GALNT18: variants seen among roughly 807,000 people sequenced by gnomAD.
The protein encoded by GALNT18 is GalNAc-transferase 18.
Under a neutral mutation model 69.5 loss-of-function variants are expected in GALNT18, and 44 were observed. The ratio of observed to expected loss-of-function variants is 0.63; its 90% CI spans 0.50 to 0.81. GALNT18 has a LOEUF of 0.81. GALNT18 is among the 40% of genes least tolerant of loss of function. The pLI is 0.00. For synonymous variants in GALNT18, 364 were observed against 318.2 expected (o/e 1.14, Z -1.53); for missense variants, 715 against 810.0 (o/e 0.88, Z 1.42).
At chr11:11,608,222 AT>A (rs1345544053) in intron 1 of GALNT18, among the ~76,000 whole-genome samples, 1 of 152,228 alleles carries the variant, frequency 6.6e-6, no homozygotes, top group Non-Finnish European at 1.5e-5. Context: ...CAGAAAATAT[AT>A]TCCTGACCGT....
intron 6 of GALNT18, among the ~76,000 whole-genome samples, chr11:11,369,043 C>T (rs2133667127): frequency 6.6e-6 from 1 of 152,340 alleles, no homozygotes; most frequent in East Asian, 1.9e-4. Flanking sequence ...GGAAGTAAGG[C>T]AAGCCTTAGG....
chr11:11,429,740 G>C (rs975209023), intron 3 of GALNT18, among the ~76,000 whole-genome samples: 1 of 152,206 alleles, frequency 6.6e-6, no homozygotes, highest in South Asian at 2.1e-4. Context: ...TTAGTCCAGA[G>C]CTCTGGCCCT....
In GALNT18 at chr11:11,415,367, C is replaced by T. The variant is rs1460216871; in HGVS notation, c.595+17254G>A. Among the ~76,000 whole-genome samples the T allele has an allele frequency of 6.6e-6, 1 of 152,116 alleles. No individual in the cohort carries two copies. Among genetic ancestry groups the T allele is most frequent in the African/African-American group, 2.4e-5 (1 of 41,414 alleles). ...GTGGGGGATGACTTAGAATTCTGCC[C>T]ACACAGTGATCAATAAATAGTTGCC... On this transcript the variant is annotated intron_variant, in intron 3 of 10. Coordinates refer to ENST00000227756, the MANE Select transcript of GALNT18 (RefSeq NM_198516.3). This position sits in a 1 kb window ranked among gnomAD's most constrained non-coding sequence, Gnocchi z 4.1.
chr11:11,327,014 G>A, intron 9 of GALNT18, 72 bp downstream of exon 9: 4 of 1,126,512 alleles, frequency 3.6e-6, no homozygotes, highest in Non-Finnish European at 4.1e-6. Context: ...CCATGACAGA[G>A]CCTAGCTCTC....
Position 11,341,078 on chromosome 11 carries a change from T to C in GALNT18, c.1093-74A>G. 1.4e-6 allele frequency: 2 copies of C among 1,424,708 alleles called. No individual in the cohort carries two copies. The highest frequency in any genetic ancestry group is 9.5e-7 in the Non-Finnish European group (1 of 1,050,768). The allele number at this position is 1,424,708 out of a possible 1,614,324, so 88.3% of individuals were successfully genotyped here. On this transcript the variant is annotated intron_variant, in intron 6 of 10. Transcript: ENST00000227756. The surrounding 1 kb of genome is among the most constrained non-coding windows in gnomAD (Gnocchi z 6.3). ...TCTACACCAGGCCTCAGGCAGCCAC[T>C]TGACATGAGCAGGAAGAAAGTCAGC...
chr11:11,552,548 T>C (rs768149517), intron 1 of GALNT18, among the ~76,000 whole-genome samples: 3 of 151,634 alleles, frequency 2.0e-5, no homozygotes, highest in Non-Finnish European at 4.4e-5. Context: ...CCCAGCTTCC[T>C]AATGGCCATG....
At chr11:11,585,377 T>C (rs1032243073) in intron 1 of GALNT18, among the ~76,000 whole-genome samples, 2 of 149,912 alleles carry the variant, frequency 1.3e-5, no homozygotes, top group Non-Finnish European at 3.0e-5. Flanking sequence ...TTTTCCGAGA[T>C]GGAGTTTTGC....
chr11:11,439,172 G>C lies in GALNT18; in HGVS notation c.429-6385C>G, dbSNP rs577335830. Among the ~76,000 whole-genome samples the C allele has an allele frequency of 8.5e-5, 13 of 152,318 alleles. No individual in the cohort carries two copies. In the East Asian group the frequency reaches 2.5e-3, roughly 29 times the overall value. On this transcript the variant is annotated intron_variant, in intron 2 of 10. Transcript: ENST00000227756. The surrounding 1 kb of genome is among the most constrained non-coding windows in gnomAD (Gnocchi z 4.4). ...AAGAAGATGATAAGTGAGGCGCAGG[G>C]GAGCAGAAATGATGAATAGGAAGAA...
intron 1 of GALNT18, among the ~76,000 whole-genome samples, chr11:11,482,604 G>T (rs1012491631): frequency 1.3e-5 from 2 of 152,206 alleles, no homozygotes; most frequent in Non-Finnish European, 2.9e-5. Flanking sequence ...CCATACACAG[G>T]ATAGTCTGTC....
rs1859130175 is a variant in GALNT18 at position 11,583,300 on chromosome 11, T to A, written c.235+38059A>T. On this transcript the variant is annotated intron_variant, in intron 1 of 10. Coordinates refer to ENST00000227756, the MANE Select transcript of GALNT18 (RefSeq NM_198516.3). This position sits in a 1 kb window ranked among gnomAD's most constrained non-coding sequence, Gnocchi z 4.7. ...AGCTGGTCCTTCTAGATGCTAGCCCTCTGTGTGCACACTTATATCTCATAA... is the reference window on the plus strand; with the variant it reads ...AGCTGGTCCTTCTAGATGCTAGCCCACTGTGTGCACACTTATATCTCATAA... Among the ~76,000 whole-genome samples, 1 of 152,202 alleles carries A rather than the reference T, an allele frequency of 6.6e-6. No homozygotes were observed. Among genetic ancestry groups the A allele is most frequent in the African/African-American group, 2.4e-5 (1 of 41,442 alleles).
chr11:11,587,093 ACCCCTC>A lies in GALNT18; in HGVS notation c.235+34260_235+34265del, dbSNP rs1373550299. Reference sequence around the variant, plus strand: ...GATGCTTCCAGCACCCATTATCCTGACCCCTCCCCCAGTATCCAAACCTTCCCCAAG... The same window carrying A: ...GATGCTTCCAGCACCCATTATCCTGACCCCAGTATCCAAACCTTCCCCAAG... On this transcript the variant is annotated intron_variant, in intron 1 of 10. Transcript: ENST00000227756. This position sits in a 1 kb window ranked among gnomAD's most constrained non-coding sequence, Gnocchi z 4.4. Among the ~76,000 whole-genome samples, 1 of 151,842 alleles carries A rather than the reference ACCCCTC, an allele frequency of 6.6e-6. No individual in the cohort carries two copies. Among genetic ancestry groups the A allele is most frequent in the Non-Finnish European group, 1.5e-5 (1 of 67,970 alleles).
intron 10 of GALNT18, among the ~76,000 whole-genome samples, chr11:11,274,258 G>T (rs922013910): frequency 5.9e-5 from 9 of 152,190 alleles, no homozygotes; most frequent in African/African-American, 2.2e-4. Context: ...TGGCTGTTTG[G>T]GCAGACACTG....
At chr11:11,567,564 A>G (rs988180631) in intron 1 of GALNT18, among the ~76,000 whole-genome samples, 1 of 152,188 alleles carries the variant, frequency 6.6e-6, no homozygotes, top group African/African-American at 2.4e-5. Context: ...CATAGTCTTA[A>G]AGCATTGTTC....
At chr11:11,343,229 T>C (rs528415577) in intron 6 of GALNT18, among the ~76,000 whole-genome samples, 3 of 152,082 alleles carry the variant, frequency 2.0e-5, no homozygotes, top group East Asian at 1.9e-4. Flanking sequence ...GTGCCTGTAG[T>C]CCCAGCAACT....
In GALNT18 at chr11:11,584,577, G is replaced by A. The variant is rs1200978695; in HGVS notation, c.235+36782C>T. ...GTGAAACACCCACAGAGAGCCGTTT[G>A]CCCCTTGAGATTCCTGAGGAGTGTG... On this transcript the variant is annotated intron_variant, in intron 1 of 10. Coordinates refer to ENST00000227756, the MANE Select transcript of GALNT18 (RefSeq NM_198516.3). The surrounding 1 kb of genome is among the most constrained non-coding windows in gnomAD (Gnocchi z 4.1). Among the ~76,000 whole-genome samples the A allele has an allele frequency of 6.6e-6, 1 of 152,142 alleles. No homozygotes were observed. The highest frequency in any genetic ancestry group is 1.5e-5 in the Non-Finnish European group (1 of 68,016).
chr11:11,288,015 C>A (rs1849225411), intron 10 of GALNT18, among the ~76,000 whole-genome samples: 1 of 152,174 alleles, frequency 6.6e-6, no homozygotes, highest in South Asian at 2.1e-4. Flanking sequence ...CTTCCCGGGA[C>A]AATGAAACAG....
rs1859329055 is a variant in GALNT18, at chr11:11,590,458, T to C, written c.235+30901A>G. Among the ~76,000 whole-genome samples, 1 of 152,212 alleles carries C rather than the reference T, an allele frequency of 6.6e-6. No homozygotes were observed. The highest frequency in any genetic ancestry group is 6.5e-5 in the Admixed American group (1 of 15,280). On this transcript the variant is annotated intron_variant, in intron 1 of 10. Transcript: ENST00000227756. This position sits in a 1 kb window ranked among gnomAD's most constrained non-coding sequence, Gnocchi z 4.4. Reference sequence around the variant, plus strand: ...AAGCCACTGGTTTGGAAGTTGACATTAAAATTAACTTTCCTTACTCTACCT... The same window carrying C: ...AAGCCACTGGTTTGGAAGTTGACATCAAAATTAACTTTCCTTACTCTACCT...
At chr11:11,574,813 G>A (rs949726229) in intron 1 of GALNT18, among the ~76,000 whole-genome samples, 1 of 152,210 alleles carries the variant, frequency 6.6e-6, no homozygotes, top group African/African-American at 2.4e-5. Flanking sequence ...CAAGGACAGA[G>A]CAGAAGCATT....
At position 11,523,882 on chromosome 11, in the gene GALNT18, C is replaced by G. The variant is rs544832279; in HGVS notation, c.236-74946G>C. Among the ~76,000 whole-genome samples the G allele has an allele frequency of 1.3e-5, 2 of 152,134 alleles. No homozygotes were observed. Among genetic ancestry groups the G allele is most frequent in the Non-Finnish European group, 2.9e-5 (2 of 68,036 alleles). On this transcript the variant is annotated intron_variant, in intron 1 of 10. Transcript: ENST00000227756. This position sits in a 1 kb window ranked among gnomAD's most constrained non-coding sequence, Gnocchi z 4.3. ...GCCAAGAGAGGTAGCGAACCAGGCT[C>G]TCAGGTCACCAAGAACATCACCCCA...
Sources: gnomAD v4.1 joint callset for allele counts (sites outside exome capture counted in the v4.1 genomes callset) on GRCh38, gnomAD v4.1.1 for gene constraint, Gnocchi (gnomAD v3.1) non-coding constraint, MANE v1.5 for transcripts, NCBI Gene and HGNC (gene_info 2026-07-23, HGNC 2026-07-21) for gene names.